The following GRID1 variants were observed in gnomAD, a reference collection of about 807,000 sequenced individuals.
GRID1 encodes the protein glutamate receptor ionotropic, delta-1.
Under a neutral mutation model 98.0 loss-of-function variants are expected in GRID1, and 28 were observed. That is an observed-to-expected ratio of 0.29 (90% CI 0.21 to 0.39). GRID1 has a LOEUF of 0.39. GRID1 is among the 10% of genes least tolerant of loss of function. The pLI, the probability that GRID1 is intolerant of heterozygous loss-of-function variation, is 1.00. For synonymous variants in GRID1, 553 were observed against 538.5 expected, an observed-to-expected ratio of 1.03 and a Z score of -0.37; for missense variants, 1,111 against 1,340.5, an observed-to-expected ratio of 0.83 and a Z score of 2.67.
At chr10:85,812,360 A>G (rs1182391032) in intron 8 of GRID1, among the ~76,000 whole-genome samples, 4 of 152,210 alleles carry the variant, frequency 2.6e-5, no homozygotes, top group African/African-American at 9.6e-5. Context: ...ATTAAAATAA[A>G]GAAAATTACA....
At chr10:85,790,784 G>A (rs1842471280) in intron 8 of GRID1, among the ~76,000 whole-genome samples, 1 of 152,154 alleles carries the variant, frequency 6.6e-6, no homozygotes, top group African/African-American at 2.4e-5. Context: ...GGGCCACCCG[G>A]CTTCTCAACC....
intron 8 of GRID1, among the ~76,000 whole-genome samples, chr10:85,765,595 A>G (rs148119709): frequency 1.5e-3 from 227 of 152,314 alleles, no homozygotes; most frequent in Non-Finnish European, 2.8e-3. Flanking sequence ...ATTCTATAAA[A>G]TTACCTTCAG....
chr10:85,767,754 C>T (rs1189262491), intron 8 of GRID1, among the ~76,000 whole-genome samples: 1 of 152,222 alleles, frequency 6.6e-6, no homozygotes, highest in Non-Finnish European at 1.5e-5. Context: ...AATGTGGCTC[C>T]TATTCCACCT....
chr10:86,019,363 G>A (rs1023618831), intron 4 of GRID1, among the ~76,000 whole-genome samples: 4 of 152,184 alleles, frequency 2.6e-5, no homozygotes, highest in Non-Finnish European at 5.9e-5. Flanking sequence ...TCTACAAACC[G>A]CATAATGCCT....
At chr10:85,952,559 T>C (rs532870656) in intron 4 of GRID1, among the ~76,000 whole-genome samples, 1 of 152,208 alleles carries the variant, frequency 6.6e-6, no homozygotes, top group African/African-American at 2.4e-5. Flanking sequence ...ACCCATTTTT[T>C]AAGGAGATTT....
chr10:86,043,426 A>G (rs1439029420), intron 4 of GRID1, among the ~76,000 whole-genome samples: 2 of 152,208 alleles, frequency 1.3e-5, no homozygotes, highest in East Asian at 1.9e-4. Flanking sequence ...GAAGCCAGGG[A>G]GCCCAAGGCA....
chr10:86,023,178 T>C (rs1169879392), intron 4 of GRID1, among the ~76,000 whole-genome samples: 1 of 152,094 alleles, frequency 6.6e-6, no homozygotes, highest in Non-Finnish European at 1.5e-5. Flanking sequence ...TGCGGAGGGA[T>C]GCAGTAGAGA....
At chr10:85,993,163 A>G (rs183827364) in intron 4 of GRID1, among the ~76,000 whole-genome samples, 1 of 152,218 alleles carries the variant, frequency 6.6e-6, no homozygotes, top group East Asian at 1.9e-4. Context: ...AAGGTAAGAG[A>G]AGAGGAGGAG....
chr10:85,832,617 A>G (rs1041405487), intron 8 of GRID1, among the ~76,000 whole-genome samples: 3 of 152,180 alleles, frequency 2.0e-5, no homozygotes, highest in African/African-American at 7.2e-5. Flanking sequence ...ATAATGCAAA[A>G]GGCAATGAAA....
At chr10:86,238,703 G>A (rs377442382) in intron 2 of GRID1, among the ~76,000 whole-genome samples, 132 of 152,046 alleles carry the variant, frequency 8.7e-4, no homozygotes, top group African/African-American at 3.0e-3. Context: ...GTTTGGCGGG[G>A]CAAGGTACAG....
chr10:86,354,200 AG>A (rs1848502575), intron 2 of GRID1, among the ~76,000 whole-genome samples: 1 of 152,106 alleles, frequency 6.6e-6, no homozygotes, highest in Non-Finnish European at 1.5e-5. Context: ...CCCAGTTTAT[AG>A]GGGCACAGGC....
At chr10:85,998,649 G>T (rs144975237) in intron 4 of GRID1, among the ~76,000 whole-genome samples, 1 of 152,000 alleles carries the variant, frequency 6.6e-6, no homozygotes, top group Non-Finnish European at 1.5e-5. Context: ...ATAAAGATCA[G>T]AAATCAAAGA....
intron 2 of GRID1, among the ~76,000 whole-genome samples, chr10:86,229,156 T>C (rs553374697): frequency 6.6e-6 from 1 of 152,242 alleles, no homozygotes; most frequent in East Asian, 1.9e-4. Flanking sequence ...CCTCAATCTC[T>C]CTAGCCATGT....
intron 3 of GRID1, among the ~76,000 whole-genome samples, chr10:86,194,504 C>G (rs559791649): frequency 2.0e-5 from 3 of 152,258 alleles, no homozygotes; most frequent in South Asian, 4.1e-4. Context: ...AAGGCCTTTA[C>G]TCACCTCAAG....
chr10:85,974,201 G>T (rs1842442778), intron 4 of GRID1, among the ~76,000 whole-genome samples: 1 of 152,158 alleles, frequency 6.6e-6, no homozygotes, highest in African/African-American at 2.4e-5. Context: ...TATCAATTGT[G>T]CACATAAATA....
At chr10:86,259,229 T>C (rs1190846516) in intron 2 of GRID1, among the ~76,000 whole-genome samples, 1 of 152,232 alleles carries the variant, frequency 6.6e-6, no homozygotes, top group African/African-American at 2.4e-5. Flanking sequence ...TGGCCTAGCC[T>C]AGCCTCTTTG....
intron 12 of GRID1, chr10:85,650,047 G>A (rs917687635): frequency 2.0e-5 from 3 of 152,182 alleles, no homozygotes; most frequent in African/African-American, 7.2e-5. Flanking sequence ...ATAAACTTAT[G>A]GAAGGCTATC....
chr10:85,737,757 C>CAT (rs1040051025), intron 8 of GRID1, among the ~76,000 whole-genome samples: 8 of 141,022 alleles, frequency 5.7e-5, no homozygotes, highest in African/African-American at 1.0e-4. Flanking sequence ...TATATACAAC[C>CAT]ATATATATAT....
intron 3 of GRID1, among the ~76,000 whole-genome samples, chr10:86,156,291 G>A (rs866533289): frequency 6.6e-5 from 10 of 152,340 alleles, no homozygotes; most frequent in Middle Eastern, 3.4e-3. Flanking sequence ...TATAGCTCTA[G>A]TGGGTGCTGC....
Sources: allele counts gnomAD v4.1 joint callset (sites outside exome capture counted in the v4.1 genomes callset), GRCh38; gene constraint gnomAD v4.1.1; transcripts MANE v1.5; gene names NCBI Gene and HGNC (gene_info 2026-07-23, HGNC 2026-07-21).